The following SMAP2 variants were observed in gnomAD, a reference collection of about 807,000 sequenced individuals.
SMAP2 encodes stromal membrane-associated protein 2.
A neutral mutation model predicts 56.4 loss-of-function variants in SMAP2; 25 were observed. The observed-to-expected ratio is 0.44, with a 90% CI of 0.32 to 0.62. SMAP2 has a LOEUF of 0.62. Among genes scored for constraint, SMAP2 ranks in the 20% least tolerant of loss-of-function variants. The probability of loss-of-function intolerance (pLI) is 0.04; values close to 1 mark genes in which losing one functional copy is unlikely to be tolerated. For missense variants in SMAP2, 388 were observed against 545.6 expected (o/e 0.71, Z 2.88); for synonymous variants, 157 against 181.7 (o/e 0.86, Z 1.09).
intron 4 of SMAP2, among the ~76,000 whole-genome samples, chr1:40,412,489 G>A (rs144350821): frequency 4.0e-4 from 61 of 152,210 alleles, no homozygotes; most frequent in African/African-American, 4.3e-4. Context: ...ACATTTAGAT[G>A]TTTATTTGAT....
chr1:40,373,490 T>TCCATTCCCTCCACTCCCTTTCTA (rs1022019448), upstream of SMAP2, among the ~76,000 whole-genome samples: 3 of 152,168 alleles, frequency 2.0e-5, no homozygotes, highest in Non-Finnish European at 4.4e-5. Flanking sequence ...TTCACTTTCT[T>TCCATTCCCTCCACTCCCTTTCTA]CCATTCCCTC....
intron 4 of SMAP2, among the ~76,000 whole-genome samples, 190 bp downstream of exon 4, chr1:40,410,025 T>C (rs141690731): frequency 6.2e-4 from 94 of 152,240 alleles, no homozygotes; most frequent in African/African-American, 2.1e-3. Flanking sequence ...GAGGATCACT[T>C]GAACCTAGAA....
rs1286446701 is a variant in SMAP2 at position 40,354,767 on chromosome 1, A to T, written c.-82-7533A>T. On this transcript the variant is annotated intron_variant, in intron 1 of 6. Transcript: ENST00000435168. Reference sequence around the variant, plus strand: ...GCAGTGAAATGAACCAAAACATTGAATTTTTTTTTTTTTTTTTTTTTTTTT... The same window carrying T: ...GCAGTGAAATGAACCAAAACATTGATTTTTTTTTTTTTTTTTTTTTTTTTT... Among the ~76,000 whole-genome samples the T allele has an allele frequency of 5.2e-4, 35 of 67,326 alleles. No homozygotes were observed. In the East Asian group the frequency reaches 5.6e-3, roughly 11 times the overall value. The allele number at this position is 67,326 out of a possible 152,430, so 44.2% of individuals were successfully genotyped here. A position where few individuals can be genotyped will look rare whatever the true frequency, so the allele number is the denominator to read the frequency against.
chr1:40,374,795 T>C lies in SMAP2; in HGVS notation c.103+572T>C. ...GATCTGACAAGAGTGCTTAGGTGAC[T>C]TTATTCTTCTGGATGTGTGCAGTGG... On this transcript the variant is annotated intron_variant, in intron 1 of 9. Transcript: ENST00000372718. The surrounding 1 kb of genome is among the most constrained non-coding windows in gnomAD (Gnocchi z 5.9). The C allele has an allele frequency of 1.9e-6, 3 of 1,550,352 alleles. No homozygotes were observed. In the Admixed American group the frequency reaches 5.9e-5, roughly 30 times the overall value.
At chr1:40,395,508 C>G (rs1484492588) in intron 1 of SMAP2, among the ~76,000 whole-genome samples, 1 of 151,318 alleles carries the variant, frequency 6.6e-6, no homozygotes, top group African/African-American at 2.4e-5. Flanking sequence ...ATAGCAAGAC[C>G]TCACCTCTAC....
At chr1:40,401,771 A>G (rs1644836647) in intron 1 of SMAP2, among the ~76,000 whole-genome samples, 1 of 152,206 alleles carries the variant, frequency 6.6e-6, no homozygotes, top group Non-Finnish European at 1.5e-5. Flanking sequence ...ACAAATGGAG[A>G]CATAAGCCCT....
chr1:40,382,781 G>T (rs1043874222), intron 1 of SMAP2, among the ~76,000 whole-genome samples: 1 of 152,320 alleles, frequency 6.6e-6, no homozygotes, highest in Admixed American at 6.5e-5. Context: ...GGGGGCAGGG[G>T]CCTATGCCTG....
At chr1:40,406,156 C>T (rs1036242750) in intron 1 of SMAP2, among the ~76,000 whole-genome samples, 1 of 152,164 alleles carries the variant, frequency 6.6e-6, no homozygotes, top group Admixed American at 6.5e-5. Context: ...CCCATCACCA[C>T]TAAAACGTCT....
rs1644909641 is a variant in SMAP2 at position 40,408,817 on chromosome 1, A to C, written c.323+79A>C. The C allele has an allele frequency of 9.1e-7, 1 of 1,100,776 alleles. No individual in the cohort carries two copies. The allele number at this position is 1,100,776 out of a possible 1,614,324, so 68.2% of individuals were successfully genotyped here. On this transcript the variant is annotated intron_variant, in intron 3 of 9. Transcript: ENST00000372718. The surrounding 1 kb of genome is among the most constrained non-coding windows in gnomAD (Gnocchi z 4.3). The stretch of plus-strand genomic sequence containing the variant: ...GAGTCAGACAAGACTCCAGTCCTGT[A>C]ATGTGACTGGGTCATCTCTATGTGG...
chr1:40,374,675 G>T lies in SMAP2; in HGVS notation c.103+452G>T, dbSNP rs1644525999. On this transcript the variant is annotated intron_variant, in intron 1 of 9. Coordinates refer to ENST00000372718, the MANE Select transcript of SMAP2 (RefSeq NM_022733.3). The surrounding 1 kb of genome is among the most constrained non-coding windows in gnomAD (Gnocchi z 5.9). The stretch of plus-strand genomic sequence containing the variant: ...GGAGGAGGAGGAGGGAAGTGAGATG[G>T]CGGAAAGGAAAACTGCTTAAATGAT... The T allele has an allele frequency of 1.3e-6, 2 of 1,550,034 alleles. No homozygotes were observed. The highest frequency in any genetic ancestry group is 1.7e-6 in the Non-Finnish European group (2 of 1,146,886).
intron 9 of SMAP2, among the ~76,000 whole-genome samples, chr1:40,418,021 C>T (rs1273048156): frequency 1.3e-5 from 2 of 152,106 alleles, no homozygotes; most frequent in Admixed American, 6.6e-5. Flanking sequence ...AAAATCAAAA[C>T]ATTTCACGTA....
chr1:40,347,917 A>C (rs1318097075), intron 1 of SMAP2, among the ~76,000 whole-genome samples: 1 of 151,700 alleles, frequency 6.6e-6, no homozygotes, highest in African/African-American at 2.4e-5. Flanking sequence ...GCTTAGAAAA[A>C]TTTTTGGTCA....
Position 40,353,076 on chromosome 1 carries a change from T to C in SMAP2, c.-83+8166T>C, listed in dbSNP as rs144003436. Among the ~76,000 whole-genome samples, 309 of 152,336 alleles carry C rather than the reference T, an allele frequency of 2.0e-3. 2 individuals are homozygous for C. The highest frequency in any genetic ancestry group is 7.1e-3 in the African/African-American group (296 of 41,594). The stretch of plus-strand genomic sequence containing the variant: ...CAGCCATGTCCAGCACCCATCTCTC[T>C]TGCTGCCTCCTGCCATAAGGGCTTT... On this transcript the variant is annotated intron_variant, in intron 1 of 6. Transcript: ENST00000435168.
chr1:40,379,494 C>T (rs1324962473), intron 1 of SMAP2, among the ~76,000 whole-genome samples: 1 of 151,256 alleles, frequency 6.6e-6, no homozygotes, highest in African/African-American at 2.4e-5. Flanking sequence ...AGGCTGTGAC[C>T]AAGTTATCTT....
intron 1 of SMAP2, among the ~76,000 whole-genome samples, chr1:40,381,162 G>A (rs537049714): frequency 1.3e-5 from 2 of 152,266 alleles, no homozygotes; most frequent in South Asian, 4.1e-4. Flanking sequence ...GGGGAACTTC[G>A]CAAGCCTGAG....
At chr1:40,410,756 G>A (rs1004684483) in intron 4 of SMAP2, among the ~76,000 whole-genome samples, 6 of 152,282 alleles carry the variant, frequency 3.9e-5, no homozygotes, top group African/African-American at 1.2e-4. Flanking sequence ...GGGACAGACA[G>A]CATGATTTCT....
At chr1:40,400,566 G>A (rs1644822422) in intron 1 of SMAP2, among the ~76,000 whole-genome samples, 2 of 152,222 alleles carry the variant, frequency 1.3e-5, no homozygotes, top group Admixed American at 1.3e-4. Context: ...TCTTGGTGAT[G>A]TGGGGGCTGA....
In SMAP2 at chr1:40,374,401, G is replaced by C. The variant is rs1644520912; in HGVS notation, c.103+178G>C. 6.6e-6 allele frequency among the ~76,000 whole-genome samples: 1 copy of C among 152,132 alleles called. No homozygotes were observed. The highest frequency in any genetic ancestry group is 2.4e-5 in the African/African-American group (1 of 41,440). On this transcript the variant is annotated intron_variant, in intron 1 of 9. Coordinates refer to ENST00000372718, the MANE Select transcript of SMAP2 (RefSeq NM_022733.3). The surrounding 1 kb of genome is among the most constrained non-coding windows in gnomAD (Gnocchi z 5.9). The stretch of plus-strand genomic sequence containing the variant: ...TGCAGCTGGGGGATTGGTATGGGTA[G>C]AGCTTGCGAGGGCGAGTCTGTGTGT...
intron 1 of SMAP2, among the ~76,000 whole-genome samples, chr1:40,348,505 G>T (rs914732116): frequency 1.3e-5 from 2 of 152,066 alleles, no homozygotes; most frequent in Non-Finnish European, 2.9e-5. Context: ...GACCAGCCTG[G>T]CCAACACGGT....
Sources: gnomAD v4.1 joint callset for allele counts (sites outside exome capture counted in the v4.1 genomes callset) on GRCh38, gnomAD v4.1.1 for gene constraint, Gnocchi (gnomAD v3.1) non-coding constraint, MANE v1.5 for transcripts, NCBI Gene and HGNC (gene_info 2026-07-23, HGNC 2026-07-21) for gene names.